The following OSBPL10 variants were observed in gnomAD, a reference collection of about 807,000 sequenced individuals.
The protein encoded by OSBPL10 is oxysterol binding protein like 10, also known as oxysterol-binding protein-related protein 10.
OSBPL10 carries 49 observed loss-of-function variants against 81.7 expected under a neutral mutation model. The ratio of observed to expected loss-of-function variants is 0.60; its 90% CI spans 0.48 to 0.76. OSBPL10 has a LOEUF of 0.76. Ranked by LOEUF, OSBPL10 falls within the 30% of genes least tolerant of loss-of-function variation. The pLI is 0.00. For missense variants in OSBPL10, 923 were observed against 987.8 expected (o/e 0.93, Z 0.88); for synonymous variants, 419 against 383.6 (o/e 1.09, Z -1.08).
intron 1 of OSBPL10, among the ~76,000 whole-genome samples, chr3:31,894,389 G>T (rs1310573712): frequency 2.0e-5 from 3 of 152,166 alleles, no homozygotes; most frequent in Non-Finnish European, 4.4e-5. Context: ...AGAAAACAAG[G>T]CAGAGAGGAA....
intron 1 of OSBPL10, among the ~76,000 whole-genome samples, chr3:32,051,130 A>G (rs1252744417): frequency 6.6e-6 from 1 of 151,754 alleles, no homozygotes; most frequent in African/African-American, 2.4e-5. Flanking sequence ...GTTTGTCTCT[A>G]TTTTGCCTTC....
chr3:31,975,486 G>A (rs767690850), intron 1 of OSBPL10, among the ~76,000 whole-genome samples: 1 of 152,160 alleles, frequency 6.6e-6, no homozygotes, highest in Non-Finnish European at 1.5e-5. Flanking sequence ...AATGCTGGGG[G>A]CTAAACACTA....
chr3:31,851,034 C>T (rs532366739), intron 3 of OSBPL10, among the ~76,000 whole-genome samples: 5 of 152,114 alleles, frequency 3.3e-5, no homozygotes, highest in Non-Finnish European at 7.4e-5. Context: ...AAAATCAAAG[C>T]AGTTATCCAA....
rs755330648 is a variant in OSBPL10, at chr3:31,876,469, T to A, written c.501A>T (p.Arg167=). ...KEKQFWVTQL[R]ACAKYHMEMN... ...TTTCCATGTGGTATTTGGCACAAGC[T>A]CGAAGCTGAGTCACCCAGAATTGTT... The change falls in exon 3 of 12, where the codon CGA becomes CGT. Residue 167 remains arginine, a synonymous_variant. Coordinates refer to ENST00000396556, the MANE Select transcript of OSBPL10 (RefSeq NM_017784.5). 33 of 1,613,692 alleles carry A rather than the reference T, an allele frequency of 2.0e-5. No individual in the cohort carries two copies. The highest frequency in any genetic ancestry group is 2.5e-5 in the Non-Finnish European group (29 of 1,179,678).
chr3:31,674,009 C>G (rs1700391712), intron 8 of OSBPL10, among the ~76,000 whole-genome samples: 1 of 152,080 alleles, frequency 6.6e-6, no homozygotes, highest in Non-Finnish European at 1.5e-5. Context: ...GGTCTTAAAA[C>G]TCTTGGGCTC....
chr3:31,981,322 A>AGAG, upstream of OSBPL10: 1 of 1,245,754 alleles, frequency 8.0e-7, no homozygotes, highest in Non-Finnish European at 1.0e-6. This position sits in a 1 kb window ranked among gnomAD's most constrained non-coding sequence, Gnocchi z 4.5. Context: ...TACAGGAGGA[A>AGAG]GAGGAGGAGG....
rs1306473764 is a variant in OSBPL10 at position 31,930,003 on chromosome 3, C to CAAACAAAAAAAAAAAAAAAAAAAAA, written c.282-50174_282-50173insTTTTTTTTTTTTTTTTTTTTTGTTT. Among the ~76,000 whole-genome samples, 6 of 72,570 alleles carry CAAACAAAAAAAAAAAAAAAAAAAAA rather than the reference C, an allele frequency of 8.3e-5. 2 individuals carry two copies. The highest frequency in any genetic ancestry group is 5.2e-5 in the Non-Finnish European group (2 of 38,440). The allele number at this position is 72,570 out of a possible 152,430, so 47.6% of individuals were successfully genotyped here. On this transcript the variant is annotated intron_variant, in intron 1 of 11. Transcript: ENST00000396556. ...GATCAAGTGAGACCCTGTCACCAAC[C>CAAACAAAAAAAAAAAAAAAAAAAAA]AAAAAAAAAAAAAAAAAAAAAAACA...
intron 3 of OSBPL10, among the ~76,000 whole-genome samples, chr3:31,853,271 A>C (rs1700815820): frequency 1.3e-5 from 2 of 152,178 alleles, no homozygotes; most frequent in South Asian, 4.1e-4. Flanking sequence ...GGTGCCAACT[A>C]ATTAACAAAA....
intron 4 of OSBPL10, among the ~76,000 whole-genome samples, chr3:31,781,473 C>T (rs1340069983): frequency 6.6e-6 from 1 of 152,078 alleles, no homozygotes; most frequent in Non-Finnish European, 1.5e-5. Flanking sequence ...AGCAATCAGA[C>T]AAGGGAAAGA....
At chr3:31,949,190 C>T (rs1470828030) in intron 1 of OSBPL10, among the ~76,000 whole-genome samples, 2 of 152,162 alleles carry the variant, frequency 1.3e-5, no homozygotes, top group East Asian at 1.9e-4. Flanking sequence ...ATTCCTAAAA[C>T]GCACACACAT....
intron 7 of OSBPL10, among the ~76,000 whole-genome samples, chr3:31,690,235 G>A (rs1695488813): frequency 6.6e-6 from 1 of 152,004 alleles, no homozygotes; most frequent in Admixed American, 6.6e-5. Flanking sequence ...ATGAGATCTG[G>A]TTGTTTAAAA....
intron 4 of OSBPL10, among the ~76,000 whole-genome samples, chr3:31,755,141 T>C (rs1259196582): frequency 6.6e-6 from 1 of 152,184 alleles, no homozygotes; most frequent in Non-Finnish European, 1.5e-5. Flanking sequence ...TCCCCAGACC[T>C]CTGACTGGTG....
chr3:31,900,479 C>G (rs1696203639), intron 1 of OSBPL10, among the ~76,000 whole-genome samples: 1 of 152,206 alleles, frequency 6.6e-6, no homozygotes. Flanking sequence ...AAACCCCTGG[C>G]CTCTCCTCAG....
chr3:31,901,776 A>C (rs1297604559), intron 1 of OSBPL10, among the ~76,000 whole-genome samples: 1 of 152,156 alleles, frequency 6.6e-6, no homozygotes, highest in South Asian at 2.1e-4. Flanking sequence ...GGCCAATCGC[A>C]CCTGTAATCC....
At chr3:31,763,753 A>C (rs1462582233) in intron 4 of OSBPL10, among the ~76,000 whole-genome samples, 2 of 152,224 alleles carry the variant, frequency 1.3e-5, no homozygotes, top group Non-Finnish European at 2.9e-5. Flanking sequence ...TCAGGAAAGA[A>C]ATGCATCTCC....
chr3:31,739,650 A>C (rs1697279888), intron 5 of OSBPL10, among the ~76,000 whole-genome samples: 1 of 152,202 alleles, frequency 6.6e-6, no homozygotes, highest in African/African-American at 2.4e-5. Flanking sequence ...GTGTGGACAC[A>C]GCAAGAAGAC....
At chr3:31,680,835 A>G (rs1700622099) in intron 8 of OSBPL10, among the ~76,000 whole-genome samples, 1 of 151,840 alleles carries the variant, frequency 6.6e-6, no homozygotes, top group Non-Finnish European at 1.5e-5. Flanking sequence ...ACTGGTAACA[A>G]CTCCTCTTTA....
At chr3:31,736,719 G>T (rs1697185909) in intron 5 of OSBPL10, among the ~76,000 whole-genome samples, 1 of 152,208 alleles carries the variant, frequency 6.6e-6, no homozygotes, top group Admixed American at 6.5e-5. Flanking sequence ...GGGCAACACA[G>T]TGAGACCCTG....
intron 2 of OSBPL10, chr3:31,990,856 C>G (rs1699019605): frequency 1.3e-6 from 2 of 1,581,420 alleles, no homozygotes; most frequent in African/African-American, 2.7e-5. Flanking sequence ...GGGAGAGAAA[C>G]ATCACAAGTG....
Sources: allele counts gnomAD v4.1 joint callset (sites outside exome capture counted in the v4.1 genomes callset), GRCh38; gene constraint gnomAD v4.1.1; non-coding constraint Gnocchi (gnomAD v3.1); transcripts MANE v1.5; gene names NCBI Gene and HGNC (gene_info 2026-07-23, HGNC 2026-07-21).